The following OSBPL11 variants were observed in gnomAD, a reference collection of about 807,000 sequenced individuals.
OSBPL11 encodes the protein oxysterol-binding protein-related protein 11.
A neutral mutation model predicts 84.4 loss-of-function variants in OSBPL11; 33 were observed. The observed-to-expected ratio is 0.39, with a 90% confidence interval of 0.30 to 0.52. The LOEUF (loss-of-function observed/expected upper bound fraction) is 0.52. Ranked by LOEUF, OSBPL11 falls within the 20% of genes least tolerant of loss-of-function variation. OSBPL11 has a pLI of 0.72. For missense variants in OSBPL11, 736 were observed against 901.1 expected (o/e 0.82, Z 2.35); for synonymous variants, 276 against 310.2 (o/e 0.89, Z 1.16).
In OSBPL11 at chr3:125,538,509, A is replaced by G. The variant is rs77861725; in HGVS notation, c.1966T>C (p.Leu656=). ...CTCACTCTTTTCTTCGTCACTGCCAATTTAGTCAAGTCCACATACTTTGTC... is the reference window on the plus strand; with the variant it reads ...CTCACTCTTTTCTTCGTCACTGCCAGTTTAGTCAAGTCCACATACTTTGTC... ...GETKYVDLTK[L]AVTKKRVRPL... The change falls in exon 11 of 13, where the codon TTG becomes CTG. Residue 656 remains leucine, a synonymous_variant. Coordinates refer to ENST00000296220, the MANE Select transcript of OSBPL11 (RefSeq NM_022776.5). 4.6e-5 allele frequency: 75 copies of G among 1,614,138 alleles called. 2 individuals are homozygous for G. In the East Asian group the frequency reaches 1.6e-3, roughly 34 times the overall value.
intron 1 of OSBPL11, among the ~76,000 whole-genome samples, chr3:125,587,135 A>T (rs1486338566): frequency 6.6e-6 from 1 of 152,228 alleles, no homozygotes; most frequent in East Asian, 1.9e-4. Flanking sequence ...TAAAAAAGGC[A>T]TTAAACAAAT....
intron 1 of OSBPL11, among the ~76,000 whole-genome samples, chr3:125,586,995 A>G (rs1171355537): frequency 6.6e-6 from 1 of 152,268 alleles, no homozygotes; most frequent in African/African-American, 2.4e-5. Flanking sequence ...GCAATAACTA[A>G]TAACTCTCCA....
intron 2 of OSBPL11, among the ~76,000 whole-genome samples, chr3:125,580,268 A>G (rs999063881): frequency 1.3e-5 from 2 of 152,164 alleles, no homozygotes; most frequent in African/African-American, 2.4e-5. Flanking sequence ...TAATCCCAGC[A>G]CTTTGGGAGG....
At chr3:125,571,581 A>T (rs1936243144) in intron 5 of OSBPL11, among the ~76,000 whole-genome samples, 1 of 151,760 alleles carries the variant, frequency 6.6e-6, no homozygotes, top group South Asian at 2.1e-4. Flanking sequence ...CAGCTTAGAG[A>T]CTTGGTGCCC....
Position 125,574,723 on chromosome 3 carries a change from C to T in OSBPL11, c.666+1466G>A, listed in dbSNP as rs1198396353. ...CAGCTTCCCAATACTTTTCTGATGA[C>T]ACTGGGGATGTTAATAAATATGAAT... On this transcript the variant is annotated intron_variant, in intron 5 of 12. Coordinates refer to ENST00000296220, the MANE Select transcript of OSBPL11 (RefSeq NM_022776.5). 4.6e-5 allele frequency among the ~76,000 whole-genome samples: 7 copies of T among 152,088 alleles called. No individual in the cohort carries two copies. In the South Asian group the frequency reaches 1.4e-3, roughly 31 times the overall value.
Position 125,529,315 on chromosome 3 carries a change from T to A in OSBPL11, c.*1200A>T, listed in dbSNP as rs1935522651. Reference sequence around the variant, plus strand: ...ATGAAAGCCATAATTAGCTCTATTCTTTTAATTGCCAGCAATTCTTCAACC... The same window carrying A: ...ATGAAAGCCATAATTAGCTCTATTCATTTAATTGCCAGCAATTCTTCAACC... On this transcript the variant is annotated 3_prime_UTR_variant, in exon 13 of 13. Coordinates refer to ENST00000296220, the MANE Select transcript of OSBPL11 (RefSeq NM_022776.5). The A allele has an allele frequency of 6.6e-6, 1 of 152,270 alleles. No homozygotes were observed. The highest frequency in any genetic ancestry group is 1.5e-5 in the Non-Finnish European group (1 of 68,030). 9.4% of individuals were successfully genotyped at this position (152,270 alleles called of 1,614,324 possible). A position where few individuals can be genotyped will look rare whatever the true frequency, so the allele number is the denominator to read the frequency against.
intron 1 of OSBPL11, among the ~76,000 whole-genome samples, chr3:125,583,581 C>CAA (rs57151123): frequency 7.1e-4 from 32 of 44,922 alleles, no homozygotes; most frequent in Admixed American, 1.7e-3. Flanking sequence ...ACTCCGTCTC[C>CAA]AAAAAAAAAA....
chr3:125,594,522 G>C (rs143021040), intron 1 of OSBPL11, 115 bp downstream of exon 1: 3 of 1,224,604 alleles, frequency 2.4e-6, no homozygotes, highest in East Asian at 2.3e-5. Context: ...TGTATCAGTA[G>C]CTTCTGGAAG....
intron 1 of OSBPL11, among the ~76,000 whole-genome samples, chr3:125,588,917 C>T (rs1275612378): frequency 6.6e-6 from 1 of 152,162 alleles, no homozygotes; most frequent in African/African-American, 2.4e-5. Flanking sequence ...AAAATAAAGT[C>T]TAACTGTATT....
intron 9 of OSBPL11, among the ~76,000 whole-genome samples, chr3:125,548,043 A>C (rs974054369): frequency 6.6e-6 from 1 of 151,860 alleles, no homozygotes; most frequent in African/African-American, 2.4e-5. Context: ...TACCTAGCTA[A>C]TTTTTTTGTA....
chr3:125,537,167 A>C (rs1377108511), intron 11 of OSBPL11, among the ~76,000 whole-genome samples: 1 of 151,786 alleles, frequency 6.6e-6, no homozygotes, highest in Non-Finnish European at 1.5e-5. Context: ...CTCAAAAAAA[A>C]AAAAAAAAAA....
chr3:125,568,359 A>G (rs900729817), intron 5 of OSBPL11, among the ~76,000 whole-genome samples: 1 of 151,686 alleles, frequency 6.6e-6, no homozygotes, highest in Non-Finnish European at 1.5e-5. Flanking sequence ...TGAACCTGGG[A>G]GACGGAGCTT....
At position 125,567,429 on chromosome 3, in the gene OSBPL11, T is replaced by C. The variant is rs769272366; in HGVS notation, c.833A>G (p.Gln278Arg). 2 of 1,614,170 alleles carry C rather than the reference T, an allele frequency of 1.2e-6. No individual in the cohort carries two copies. The highest frequency in any genetic ancestry group is 2.2e-5 in the South Asian group (2 of 91,080). The change falls in exon 6 of 13, where the codon CAG (glutamine) becomes CGG (arginine). Residue 278 changes from glutamine (Q) to arginine (R), a missense_variant. Gln to Arg is a conservative substitution (Grantham distance 43). Coordinates refer to ENST00000296220, the MANE Select transcript of OSBPL11 (RefSeq NM_022776.5). ...TGAGCCCTTCTGATGTGATGCATGC[T>C]GTAACTGGAGAATATGAAAGCAGTC... ...LNDCFHILQL[Q>R]HASHQKGSLP...
Position 125,529,078 on chromosome 3 carries a change from A to G in OSBPL11, c.*1437T>C, listed in dbSNP as rs1425556052. Reference sequence around the variant, plus strand: ...TAACCTCTTTAACAGAACACAATTTATCAGAGCACAAAGCTTAAACTTCTT... The same window carrying G: ...TAACCTCTTTAACAGAACACAATTTGTCAGAGCACAAAGCTTAAACTTCTT... On this transcript the variant is annotated 3_prime_UTR_variant, in exon 13 of 13. Coordinates refer to ENST00000296220, the MANE Select transcript of OSBPL11 (RefSeq NM_022776.5). The G allele has an allele frequency of 6.6e-6, 1 of 152,658 alleles. No homozygotes were observed. The highest frequency in any genetic ancestry group is 1.5e-5 in the Non-Finnish European group (1 of 68,032). The allele number at this position is 152,658 out of a possible 1,614,324, so 9.5% of individuals were successfully genotyped here.
At chr3:125,554,066 A>C (rs1241470223) in intron 8 of OSBPL11, among the ~76,000 whole-genome samples, 2 of 152,240 alleles carry the variant, frequency 1.3e-5, no homozygotes, top group Non-Finnish European at 2.9e-5. Context: ...AAATGATAAA[A>C]TAAAAATAAC....
intron 2 of OSBPL11, 33 bp downstream of exon 2, chr3:125,582,875 GGA>G: frequency 6.9e-7 from 1 of 1,451,098 alleles, no homozygotes; most frequent in Non-Finnish European, 9.5e-7. Flanking sequence ...TGCTCTCTTA[GGA>G]GAGACTGATG....
At chr3:125,565,584 C>A (rs1936141337) in intron 6 of OSBPL11, among the ~76,000 whole-genome samples, 1 of 151,932 alleles carries the variant, frequency 6.6e-6, no homozygotes, top group Non-Finnish European at 1.5e-5. Context: ...AAAGAGAAAA[C>A]CTGGGATGGG....
At chr3:125,576,030 T>C (rs1249343520) in intron 5 of OSBPL11, among the ~76,000 whole-genome samples, 159 bp downstream of exon 5, 1 of 148,740 alleles carries the variant, frequency 6.7e-6, no homozygotes, top group East Asian at 2.0e-4. Context: ...GGACACTATA[T>C]ATTAAGGGAA....
At chr3:125,594,087 C>G (rs899195294) in intron 1 of OSBPL11, among the ~76,000 whole-genome samples, 1 of 152,208 alleles carries the variant, frequency 6.6e-6, no homozygotes, top group African/African-American at 2.4e-5. Flanking sequence ...CTGAACATCT[C>G]CAGGCTCAGG....
Sources: allele counts gnomAD v4.1 joint callset (sites outside exome capture counted in the v4.1 genomes callset), GRCh38; gene constraint gnomAD v4.1.1; transcripts MANE v1.5; gene names NCBI Gene and HGNC (gene_info 2026-07-23, HGNC 2026-07-21).